The following ZNF831 variants were observed in gnomAD, a reference collection of about 807,000 sequenced individuals.
The protein encoded by ZNF831 is chromosome 20 open reading frame 174.
ZNF831 carries 59 observed loss-of-function variants against 95.8 expected under a neutral mutation model. That is an observed-to-expected ratio of 0.62 (90% CI 0.50 to 0.77). The LOEUF is 0.77. Among genes scored for constraint, ZNF831 ranks in the 30% least tolerant of loss-of-function variants. The pLI is 0.00. For synonymous variants in ZNF831, 961 were observed against 925.5 expected (o/e 1.04, Z -0.70); for missense variants, 2,205 against 2,164.0 (o/e 1.02, Z -0.38).
rs778067509 is a variant in ZNF831, at chr20:59,191,624, T to C, written c.605T>C (p.Leu202Pro). The C allele has an allele frequency of 1.1e-5, 17 of 1,585,192 alleles. No individual in the cohort carries two copies. The East Asian group carries it at 3.1e-4, about 29-fold the overall frequency. Residue 202 changes from leucine to proline, a missense_variant, in exon 2 of 6, where the codon CTG becomes CCG. Coordinates refer to ENST00000371030, the MANE Select transcript of ZNF831 (RefSeq NM_178457.3). The part of the protein sequence containing the change: ...RTQTHLNNSR[L>P]SSESEGAGGG... ...CAGACGCACCTCAACAACTCCCGGCTGTCCTCAGAGTCCGAGGGCGCCGGG... is the reference window on the plus strand; with the variant it reads ...CAGACGCACCTCAACAACTCCCGGCCGTCCTCAGAGTCCGAGGGCGCCGGG...
At chr20:59,154,203 G>C (rs1980405311) in intron 2 of ZNF831, among the ~76,000 whole-genome samples, 1 of 152,202 alleles carries the variant, frequency 6.6e-6, no homozygotes, top group Non-Finnish European at 1.5e-5. Flanking sequence ...TTCTTGCAGT[G>C]GGTTGGGAGA....
At chr20:59,225,473 A>T (rs1986368354) in intron 4 of ZNF831, among the ~76,000 whole-genome samples, 1 of 152,222 alleles carries the variant, frequency 6.6e-6, no homozygotes, top group East Asian at 1.9e-4. Flanking sequence ...GCAGAAAATG[A>T]TGATTTCTCT....
At chr20:59,179,398 G>A (rs1938624117) in intron 1 of ZNF831, among the ~76,000 whole-genome samples, 1 of 152,156 alleles carries the variant, frequency 6.6e-6, no homozygotes, top group African/African-American at 2.4e-5. Context: ...TCCTGGATTT[G>A]TTTCCTGAGC....
intron 1 of ZNF831, among the ~76,000 whole-genome samples, chr20:59,146,042 A>C (rs369721146): frequency 1.1e-4 from 17 of 152,002 alleles, no homozygotes; most frequent in Non-Finnish European, 8.8e-5. Flanking sequence ...CGCCGCCCAC[A>C]CACAGAGCTG....
chr20:59,237,951 A>T (rs1987094795), intron 4 of ZNF831, among the ~76,000 whole-genome samples: 2 of 152,140 alleles, frequency 1.3e-5, no homozygotes, highest in Non-Finnish European at 2.9e-5. Context: ...AAAAATACAG[A>T]ACTCCCAGAA....
chr20:59,181,682 G>A (rs1982626181), intron 1 of ZNF831, among the ~76,000 whole-genome samples: 1 of 151,958 alleles, frequency 6.6e-6, no homozygotes, highest in South Asian at 2.1e-4. Context: ...GGTTGTAGAT[G>A]TGTGGTGTTA....
chr20:59,138,084 T>G (rs1213595325), intron 1 of ZNF831, among the ~76,000 whole-genome samples: 1 of 152,224 alleles, frequency 6.6e-6, no homozygotes, highest in Non-Finnish European at 1.5e-5. Flanking sequence ...ACACATTAGA[T>G]GTATTATTTT....
chr20:59,149,096 G>C (rs1404282022), intron 2 of ZNF831, among the ~76,000 whole-genome samples: 1 of 152,146 alleles, frequency 6.6e-6, no homozygotes, highest in African/African-American at 2.4e-5. Context: ...GAATAGGATG[G>C]GTGCCCATCT....
chr20:59,252,503 C>T (rs1987944185), intron 4 of ZNF831, among the ~76,000 whole-genome samples: 1 of 152,180 alleles, frequency 6.6e-6, no homozygotes, highest in African/African-American at 2.4e-5. Flanking sequence ...AACAAAACAA[C>T]AGCATCACAA....
chr20:59,194,366 C>T lies in ZNF831; in HGVS notation c.3347C>T (p.Ser1116Leu), dbSNP rs1191218602. The change falls in exon 2 of 6, where the codon TCA becomes TTA. Residue 1116 changes from serine (S) to leucine (L), a missense_variant. Transcript: ENST00000371030. ...GGGAATGCCCCAGAAGATCCTTCTTCAGGGCCCCTGGTGGGCCCCGACCCG... is the reference window on the plus strand; with the variant it reads ...GGGAATGCCCCAGAAGATCCTTCTTTAGGGCCCCTGGTGGGCCCCGACCCG... ...PPGNAPEDPSSGPLVGPDPCS... is the reference protein window; with the variant it reads ...PPGNAPEDPSLGPLVGPDPCS... 1.2e-6 allele frequency: 2 copies of T among 1,612,000 alleles called. No homozygotes were observed. Among genetic ancestry groups the T allele is most frequent in the East Asian group, 4.5e-5 (2 of 44,878 alleles).
At chr20:59,131,797 G>T (rs915418576) in intron 1 of ZNF831, among the ~76,000 whole-genome samples, 1 of 152,234 alleles carries the variant, frequency 6.6e-6, no homozygotes, top group South Asian at 2.1e-4. Context: ...TCTCCAGGGC[G>T]TGAGACAGAT....
At chr20:59,157,432 G>A (rs1366709164) in intron 2 of ZNF831, among the ~76,000 whole-genome samples, 3 of 152,162 alleles carry the variant, frequency 2.0e-5, no homozygotes, top group Admixed American at 1.3e-4. Flanking sequence ...CTTGGGAGGC[G>A]AATTGGGTGG....
intron 4 of ZNF831, among the ~76,000 whole-genome samples, chr20:59,214,755 TG>T (rs1985570969): frequency 1.3e-5 from 2 of 152,248 alleles, no homozygotes; most frequent in Admixed American, 6.5e-5. Context: ...GATTCTCTGT[TG>T]TGGTTACACA....
intron 1 of ZNF831, among the ~76,000 whole-genome samples, chr20:59,130,851 G>A (rs1196662900): frequency 6.6e-6 from 1 of 152,128 alleles, no homozygotes. Context: ...GTCTGGGTGG[G>A]GCGCTTGGCC....
rs1987632963 is a variant in ZNF831, at chr20:59,246,825, GT to G, written c.4028-6152del. On this transcript the variant is annotated intron_variant, in intron 4 of 5. Coordinates refer to ENST00000371030, the MANE Select transcript of ZNF831 (RefSeq NM_178457.3). Reference sequence around the variant, plus strand: ...GGATAGTGCAGAAATACCCGAGGCTGTACTTGATAAATCCATCTTTCTGGTC... The same window carrying G: ...GGATAGTGCAGAAATACCCGAGGCTGACTTGATAAATCCATCTTTCTGGTC... 2.6e-5 allele frequency among the ~76,000 whole-genome samples: 4 copies of G among 152,340 alleles called. No homozygotes were observed. In the South Asian group the frequency reaches 8.3e-4, roughly 32 times the overall value.
At chr20:59,233,414 G>A (rs1600665747) in intron 4 of ZNF831, among the ~76,000 whole-genome samples, 1 of 152,256 alleles carries the variant, frequency 6.6e-6, no homozygotes, top group East Asian at 1.9e-4. Context: ...GAACACAGGT[G>A]GCCTGAGAAT....
At chr20:59,203,982 T>C (rs541628497) in intron 3 of ZNF831, among the ~76,000 whole-genome samples, 2 of 152,302 alleles carry the variant, frequency 1.3e-5, no homozygotes, top group South Asian at 2.1e-4. Context: ...TTTATAACTG[T>C]GTACTGTGCT....
chr20:59,244,958 T>C (rs1987518427), intron 4 of ZNF831, among the ~76,000 whole-genome samples: 1 of 152,252 alleles, frequency 6.6e-6, no homozygotes. Context: ...CAAAGAGCAA[T>C]TGCTGGATCA....
intron 4 of ZNF831, among the ~76,000 whole-genome samples, chr20:59,246,840 A>G (rs772802285): frequency 6.6e-6 from 1 of 152,208 alleles, no homozygotes; most frequent in Non-Finnish European, 1.5e-5. Flanking sequence ...TGATAAATCC[A>G]TCTTTCTGGT....
Sources: gnomAD v4.1 joint callset for allele counts (sites outside exome capture counted in the v4.1 genomes callset) on GRCh38, gnomAD v4.1.1 for gene constraint, MANE v1.5 for transcripts, NCBI Gene and HGNC (gene_info 2026-07-23, HGNC 2026-07-21) for gene names.